EIF5B: variants seen among roughly 807,000 people sequenced by gnomAD.
EIF5B encodes eukaryotic translation initiation factor 5B, also known as eIF-5B.
Under a neutral mutation model 147.5 loss-of-function variants are expected in EIF5B, and 47 were observed. The ratio of observed to expected loss-of-function variants is 0.32; its 90% CI spans 0.25 to 0.41. EIF5B has a LOEUF of 0.41. Ranked by LOEUF, EIF5B falls within the 10% of genes least tolerant of loss-of-function variation. EIF5B has a pLI of 1.00. For synonymous variants in EIF5B, 455 were observed against 456.2 expected (o/e 1.00, Z 0.03); for missense variants, 1,064 against 1,413.2 (o/e 0.75, Z 3.96).
At chr2:99,344,653 T>C (rs566601188) in intron 1 of EIF5B, among the ~76,000 whole-genome samples, 2 of 152,270 alleles carry the variant, frequency 1.3e-5, no homozygotes, top group Non-Finnish European at 2.9e-5. Flanking sequence ...GCCAGGCTGG[T>C]CTCAAACTCT....
intron 2 of EIF5B, 46 bp downstream of exon 2, chr2:99,360,407 G>T (rs376601754): frequency 6.3e-7 from 1 of 1,594,096 alleles, no homozygotes; most frequent in Non-Finnish European, 8.5e-7. Flanking sequence ...TTTTGGTACT[G>T]GATTCACTTA....
At chr2:99,348,366 A>G (rs1231806309) in intron 1 of EIF5B, among the ~76,000 whole-genome samples, 2 of 152,214 alleles carry the variant, frequency 1.3e-5, no homozygotes, top group African/African-American at 4.8e-5. Flanking sequence ...GTTGAGAGTG[A>G]AAACTGTTAA....
Position 99,371,717 on chromosome 2 carries a change from G to C in EIF5B, c.1539G>C (p.Glu513Asp). ...ATTGGGAAGCTATGGCCAGTGATGA[G>C]GAGACAGAAAAAGGTGAATACCTCA... is the stretch of plus-strand genomic sequence containing the variant. ...LDDWEAMASD[E>D]ETEKVEGNKV... Residue 513 changes from glutamate to aspartate, a missense_variant, in exon 9 of 24, where the codon GAG becomes GAC. By Grantham distance (45) the Glu-to-Asp change is conservative. This residue lies in a region of EIF5B where 195 missense variants were observed against 186.3 expected (regional missense o/e 1.05). Transcript: ENST00000289371. The C allele has an allele frequency of 6.2e-7, 1 of 1,612,330 alleles. No homozygotes were observed. Among genetic ancestry groups the C allele is most frequent in the Non-Finnish European group, 8.5e-7 (1 of 1,179,100 alleles).
Position 99,369,435 on chromosome 2 carries a change from A to G in EIF5B, c.1431A>G (p.Glu477=). 1 of 1,611,340 alleles carries G rather than the reference A, an allele frequency of 6.2e-7. No individual in the cohort carries two copies. The highest frequency in any genetic ancestry group is 8.5e-7 in the Non-Finnish European group (1 of 1,178,092). ...TATGTGCTGCTGTAGAAGTTATGGA[A>G]CAAGGAGTACCAGAAAAGGAAGAGA... ...MELCAAVEVM[E]QGVPEKEETP... Residue 477 remains glutamate (E), a synonymous_variant, in exon 8 of 24, where the codon GAA becomes GAG. Transcript: ENST00000289371.
chr2:99,361,375 T>G lies in EIF5B; in HGVS notation c.474T>G (p.Asn158Lys), dbSNP rs1553534988. ...CTAAAGGGAAAGCTCAAAAATCAAA[T>G]AAGAAGTGGGATGGGTCAGAGGAGG... is the stretch of plus-strand genomic sequence containing the variant. Reference protein sequence around the residue: ...KKAKGKAQKSNKKWDGSEEDE... With the variant: ...KKAKGKAQKSKKKWDGSEEDE... The change falls in exon 4 of 24, where the codon AAT becomes AAG. Residue 158 changes from asparagine to lysine, a missense_variant. Asn to Lys is a moderately conservative substitution (Grantham distance 94, BLOSUM62 0). Around this residue, in one of 4 missense-constraint regions of EIF5B, gnomAD observed 458 missense variants for 451.3 expected, o/e 1.01. Transcript: ENST00000289371. The G allele has an allele frequency of 6.2e-7, 1 of 1,611,040 alleles. No individual in the cohort carries two copies. The highest frequency in any genetic ancestry group is 1.3e-5 in the African/African-American group (1 of 74,726).
At chr2:99,342,968 CT>C (rs536924397) in intron 1 of EIF5B, among the ~76,000 whole-genome samples, 18 of 145,918 alleles carry the variant, frequency 1.2e-4, no homozygotes, top group East Asian at 7.9e-4. Flanking sequence ...TTCTTTCTTT[CT>C]TTTTTTTTTG....
chr2:99,379,279 A>G, intron 11 of EIF5B, 39 bp from the exon 12 acceptor site: 1 of 1,544,678 alleles, frequency 6.5e-7, no homozygotes, highest in Non-Finnish European at 8.8e-7. Flanking sequence ...TATCTTTTCC[A>G]TGTTCAAATA....
intron 10 of EIF5B, 148 bp from the exon 11 acceptor site, chr2:99,378,871 A>G (rs113011788): frequency 5.6e-5 from 33 of 586,880 alleles, no homozygotes; most frequent in African/African-American, 4.8e-4. Context: ...TAAAGTTCAC[A>G]TTATAAATTC....
chr2:99,352,439 C>A (rs1335953710), intron 1 of EIF5B, among the ~76,000 whole-genome samples: 1 of 151,918 alleles, frequency 6.6e-6, no homozygotes, highest in African/African-American at 2.4e-5. Flanking sequence ...AGGTGATCCA[C>A]CCGCTTTGGC....
At chr2:99,387,108 A>G (rs191250660) in intron 14 of EIF5B, among the ~76,000 whole-genome samples, 1 of 152,188 alleles carries the variant, frequency 6.6e-6, no homozygotes, top group Non-Finnish European at 1.5e-5. Flanking sequence ...GGGTTTCACC[A>G]TGTTGGTCAG....
chr2:99,354,009 T>C (rs750147098), intron 1 of EIF5B, among the ~76,000 whole-genome samples: 1 of 152,240 alleles, frequency 6.6e-6, no homozygotes, highest in Non-Finnish European at 1.5e-5. Flanking sequence ...TACAGATTTC[T>C]CCATGAACAT....
At chr2:99,369,054 C>G (rs1287576542) in intron 7 of EIF5B, among the ~76,000 whole-genome samples, 1 of 152,202 alleles carries the variant, frequency 6.6e-6, no homozygotes, top group African/African-American at 2.4e-5. Context: ...GGGCGGATCA[C>G]CTGAGGTCAG....
At chr2:99,386,427 T>C (rs1051320864) in intron 14 of EIF5B, among the ~76,000 whole-genome samples, 3 of 152,124 alleles carry the variant, frequency 2.0e-5, no homozygotes, top group Admixed American at 2.0e-4. Flanking sequence ...TGTATTCTTA[T>C]GGTCTGGGAC....
In EIF5B at chr2:99,371,729, AG is replaced by A; in HGVS notation, c.1552+1del. On this transcript the variant is annotated frameshift_variant and splice_region_variant, in exon 9 of 24. Coordinates refer to ENST00000289371, the MANE Select transcript of EIF5B (RefSeq NM_015904.4). LOFTEE classifies it high-confidence loss of function. ...TGGCCAGTGATGAGGAGACAGAAAA[AG>A]GTGAATACCTCATAAGCACACACTG... ...AMASDEETEK[V>X]EGNKVHIEVK... 1 of 1,612,294 alleles carries A rather than the reference AG, an allele frequency of 6.2e-7. No homozygotes were observed. The highest frequency in any genetic ancestry group is 8.5e-7 in the Non-Finnish European group (1 of 1,179,018).
At chr2:99,347,418 C>G (rs1398006547) in intron 1 of EIF5B, among the ~76,000 whole-genome samples, 1 of 152,040 alleles carries the variant, frequency 6.6e-6, no homozygotes, top group Non-Finnish European at 1.5e-5. Context: ...CAGGGCTTCT[C>G]AAACTTTGTT....
At chr2:99,394,215 G>A (rs1674997837) in intron 18 of EIF5B, 52 bp from the exon 19 acceptor site, 2 of 1,558,936 alleles carry the variant, frequency 1.3e-6, no homozygotes, top group Admixed American at 4.2e-5. Flanking sequence ...ATTCTAGACT[G>A]CTGAGGATAG....
intron 14 of EIF5B, 36 bp from the exon 15 acceptor site, chr2:99,389,682 T>A: frequency 6.4e-7 from 1 of 1,570,486 alleles, no homozygotes; most frequent in Non-Finnish European, 8.6e-7. Flanking sequence ...TGTTCTGAAT[T>A]TTTTAGAGAT....
chr2:99,368,636 C>A, intron 7 of EIF5B, 45 bp downstream of exon 7: 1 of 1,429,512 alleles, frequency 7.0e-7, no homozygotes, highest in South Asian at 1.2e-5. Flanking sequence ...ATGTTGTTTG[C>A]CTTTCCCCCA....
In EIF5B at chr2:99,399,577, A is replaced by AACTT. The variant is rs1361413420; in HGVS notation, c.*166_*169dup. ...AAATGTTTTCCATGAGAAACCAAGA[A>AACTT]ACTTACACTGGTTTGACAGTGGTCA... On this transcript the variant is annotated 3_prime_UTR_variant, in exon 24 of 24. Transcript: ENST00000289371. The AACTT allele has an allele frequency of 2.8e-5, 17 of 611,538 alleles. No homozygotes were observed. Among genetic ancestry groups the AACTT allele is most frequent in the Admixed American group, 2.4e-4 (9 of 37,224 alleles). 37.9% of individuals were successfully genotyped at this position (611,538 alleles called of 1,614,324 possible).
Sources: gnomAD v4.1 joint callset for allele counts (sites outside exome capture counted in the v4.1 genomes callset) on GRCh38, gnomAD v4.1.1 for gene constraint, gnomAD v4.1.1 regional missense constraint, MANE v1.5 for transcripts, NCBI Gene and HGNC (gene_info 2026-07-23, HGNC 2026-07-21) for gene names.